PVT1: variants seen among roughly 807,000 people sequenced by gnomAD.
PVT1 encodes Pvt1 oncogene.
At chr8:127,853,973 C>T (rs1815133394) in intron 2 of PVT1, among the ~76,000 whole-genome samples, 1 of 152,102 alleles carries the variant, frequency 6.6e-6, no homozygotes, top group African/African-American at 2.4e-5. Context: ...TTCTGTACGG[C>T]GTTTTCTCTT....
chr8:127,960,924 T>TTG (rs1816633109), intron 3 of PVT1, among the ~76,000 whole-genome samples: 1 of 113,360 alleles, frequency 8.8e-6, no homozygotes, highest in African/African-American at 3.4e-5. Flanking sequence ...TTTTGTTCTC[T>TTG]TGTGTGTGTG....
chr8:128,016,880 G>T (rs530296882), intron 4 of PVT1, among the ~76,000 whole-genome samples: 29 of 152,122 alleles, frequency 1.9e-4, no homozygotes, highest in Non-Finnish European at 4.1e-4. Context: ...GCCATTCCTG[G>T]GTTAGCAGCT....
At chr8:128,013,497 T>C (rs879826667) in intron 4 of PVT1, among the ~76,000 whole-genome samples, 31 of 152,344 alleles carry the variant, frequency 2.0e-4, no homozygotes, top group Middle Eastern at 3.4e-3. Flanking sequence ...TAACCTGATA[T>C]ATTCATTCCA....
At chr8:128,074,520 A>T (rs1586508563) in intron 5 of PVT1, among the ~76,000 whole-genome samples, 2 of 55,502 alleles carry the variant, frequency 3.6e-5, no homozygotes, top group South Asian at 8.9e-4. Context: ...GAGACTGTCT[A>T]AAAAAAAAAA....
chr8:127,795,247 A>C (rs2130180629), intron 1 of PVT1, among the ~76,000 whole-genome samples: 1 of 152,260 alleles, frequency 6.6e-6, no homozygotes, highest in African/African-American at 2.4e-5. Context: ...GGTGCTCCTA[A>C]ACCCTCATCA....
intron 2 of PVT1, among the ~76,000 whole-genome samples, chr8:127,815,482 C>T (rs940232779): frequency 6.6e-6 from 1 of 152,178 alleles, no homozygotes; most frequent in Non-Finnish European, 1.5e-5. Context: ...CTTTGCTGCT[C>T]CCAGAGTCTT....
At chr8:127,913,394 T>C (rs1815934649) in intron 3 of PVT1, among the ~76,000 whole-genome samples, 1 of 152,184 alleles carries the variant, frequency 6.6e-6, no homozygotes, top group Non-Finnish European at 1.5e-5. Flanking sequence ...GGGCCCAGTA[T>C]AGGCCCTCCC....
In PVT1 at chr8:127,919,984, T is replaced by C. The variant is rs139833747; in HGVS notation, n.782+28986T>C. On this transcript the variant is annotated intron_variant and non_coding_transcript_variant, in intron 3 of 10. Coordinates refer to ENST00000651587, the Ensembl canonical transcript of PVT1. The stretch of plus-strand genomic sequence containing the variant: ...GGAGTTAAATCCAAAACACTTGGCC[T>C]GACACACCTGGCCTTGAAGTCTCCC... Among the ~76,000 whole-genome samples, 492 of 152,324 alleles carry C rather than the reference T, an allele frequency of 3.2e-3. 3 individuals carry two copies. Among genetic ancestry groups the C allele is most frequent in the African/African-American group, 0.011 (457 of 41,556 alleles).
chr8:128,077,118 A>G (rs925560115), intron 5 of PVT1, among the ~76,000 whole-genome samples: 2 of 152,208 alleles, frequency 1.3e-5, no homozygotes, highest in African/African-American at 4.8e-5. Flanking sequence ...TGGGTGTTTC[A>G]CATGGGTCAG....
At chr8:128,064,625 G>C (rs1813879677) in intron 4 of PVT1, among the ~76,000 whole-genome samples, 1 of 152,190 alleles carries the variant, frequency 6.6e-6, no homozygotes, top group African/African-American at 2.4e-5. Flanking sequence ...GAACATCTGA[G>C]AGAGTCCCAT....
intron 3 of PVT1, among the ~76,000 whole-genome samples, chr8:127,988,329 G>A (rs1484163485): frequency 2.6e-5 from 4 of 152,316 alleles, no homozygotes; most frequent in African/African-American, 9.6e-5. Flanking sequence ...TGGTGGGGGG[G>A]CCTGAAAAGG....
intron 4 of PVT1, among the ~76,000 whole-genome samples, chr8:128,035,976 A>T (rs1197066286): frequency 6.6e-6 from 1 of 152,196 alleles, no homozygotes; most frequent in Non-Finnish European, 1.5e-5. Context: ...GGGTAAGAGG[A>T]TAAATTTGTG....
intron 5 of PVT1, among the ~76,000 whole-genome samples, chr8:128,072,008 T>G (rs1322596617): frequency 6.6e-6 from 1 of 152,212 alleles, no homozygotes; most frequent in Non-Finnish European, 1.5e-5. Context: ...TTAATAAACA[T>G]AAAGTGCCTA....
intron 4 of PVT1, among the ~76,000 whole-genome samples, chr8:128,004,883 G>A (rs1045563765): frequency 6.6e-6 from 1 of 152,228 alleles, no homozygotes; most frequent in African/African-American, 2.4e-5. Context: ...GCTCACGCCT[G>A]TAATCCCAGC....
In PVT1 at chr8:127,976,958, C is replaced by T. The variant is rs116986118; in HGVS notation, n.783-12204C>T. On this transcript the variant is annotated intron_variant and non_coding_transcript_variant, in intron 3 of 10. Coordinates refer to ENST00000651587, the Ensembl canonical transcript of PVT1. ...ATCCCACCTGCCATCTCTGACAGCC[C>T]CAGTATTTAGTGTTTTAGGTGCTCC... Among the ~76,000 whole-genome samples, 1,209 of 152,166 alleles carry T rather than the reference C, an allele frequency of 7.9e-3. 5 individuals are homozygous for T. The highest frequency in any genetic ancestry group is 0.012 in the Non-Finnish European group (793 of 68,016).
intron 3 of PVT1, among the ~76,000 whole-genome samples, chr8:127,986,676 G>T (rs971848564): frequency 7.2e-5 from 11 of 152,188 alleles, no homozygotes; most frequent in African/African-American, 2.7e-4. Flanking sequence ...GTGACCCCCT[G>T]CTGAGCAGGT....
Position 128,006,137 on chromosome 8 carries a change from AATAATAAT to A in PVT1, n.912+16848_912+16855del, listed in dbSNP as rs1246768501. ...TAATAATAATAATAATAATAATAAT[AATAATAAT>A]AATAAAAAGATAAGGGAAATTTGGG... On this transcript the variant is annotated intron_variant and non_coding_transcript_variant, in intron 4 of 10. Coordinates refer to ENST00000651587, the Ensembl canonical transcript of PVT1. Among the ~76,000 whole-genome samples the A allele has an allele frequency of 9.5e-4, 134 of 141,514 alleles. 2 individuals carry two copies. The highest frequency in any genetic ancestry group is 5.3e-3 in the Admixed American group (72 of 13,676). The allele number at this position is 141,514 out of a possible 152,430, so 92.8% of individuals were successfully genotyped here.
chr8:127,824,842 G>A (rs1037084535), intron 2 of PVT1, among the ~76,000 whole-genome samples: 2 of 152,130 alleles, frequency 1.3e-5, no homozygotes, highest in Middle Eastern at 3.4e-3. Flanking sequence ...TAATGTGGCC[G>A]GGCATGAAGG....
chr8:127,913,941 G>A (rs1377665346), intron 3 of PVT1, among the ~76,000 whole-genome samples: 2 of 152,128 alleles, frequency 1.3e-5, no homozygotes, highest in Non-Finnish European at 2.9e-5. Flanking sequence ...CCCACATGCA[G>A]AATCCAGCAG....
Sources: allele counts gnomAD v4.1 joint callset (sites outside exome capture counted in the v4.1 genomes callset), GRCh38; gene constraint gnomAD v4.1.1; transcripts MANE v1.5; gene names NCBI Gene and HGNC (gene_info 2026-07-23, HGNC 2026-07-21).